The following ZNF574 variants were observed in gnomAD, a reference collection of about 807,000 sequenced individuals.
The protein encoded by ZNF574 is zinc finger protein 574.
Under a neutral mutation model 56.6 loss-of-function variants are expected in ZNF574, and 25 were observed. The ratio of observed to expected loss-of-function variants is 0.44; its 90% confidence interval spans 0.32 to 0.62. The LOEUF (loss-of-function observed/expected upper bound fraction) is 0.62. Among genes scored for constraint, ZNF574 ranks in the 20% least tolerant of loss-of-function variants. The pLI is 0.04. For missense variants in ZNF574, 1,065 were observed against 1,218.9 expected (o/e 0.87, Z 1.88); for synonymous variants, 543 against 492.1 (o/e 1.10, Z -1.37).
chr19:42,073,595 T>C (rs1217421817), upstream of ZNF574, among the ~76,000 whole-genome samples: 2 of 148,926 alleles, frequency 1.3e-5, no homozygotes, highest in East Asian at 4.0e-4. Context: ...TCAAGGTAGA[T>C]GGATCAACTT....
chr19:42,072,662 G>T (rs1599871630), upstream of ZNF574, among the ~76,000 whole-genome samples: 1 of 151,988 alleles, frequency 6.6e-6, no homozygotes, highest in Non-Finnish European at 1.5e-5. Context: ...CGCCTCCGGG[G>T]TTCAAGTGAT....
In ZNF574 at chr19:42,080,509, C is replaced by A; in HGVS notation, c.1903C>A (p.Pro635Thr). Reference protein sequence around the residue: ...HQLVVHAGRQPHRCPSCGAAF... With the variant: ...HQLVVHAGRQTHRCPSCGAAF... ...GCTCGTGGTCCATGCCGGGCGCCAG[C>A]CCCACCGCTGCCCATCCTGTGGGGC... Residue 635 changes from proline to threonine, a missense_variant, in exon 2 of 2, where the codon CCC (proline) becomes ACC (threonine). By Grantham distance (38) the Pro-to-Thr change is conservative (BLOSUM62 -1). Transcript: ENST00000359044. This position sits in a 1 kb window ranked among gnomAD's most constrained non-coding sequence, Gnocchi z 8.5. 6.2e-7 allele frequency: 1 copy of A among 1,613,684 alleles called. No homozygotes were observed. The highest frequency in any genetic ancestry group is 8.5e-7 in the Non-Finnish European group (1 of 1,179,940).
chr19:42,068,689 G>C, exon 1 of ZNF574: 1 of 445,726 alleles, frequency 2.2e-6, no homozygotes, highest in Non-Finnish European at 4.0e-6. Context: ...AGTTCTGACA[G>C]AGAGAGGGAT....
At position 42,080,475 on chromosome 19, in the gene ZNF574, G is replaced by T; in HGVS notation, c.1869G>T (p.Glu623Asp). The T allele has an allele frequency of 6.2e-7, 1 of 1,614,026 alleles. No homozygotes were observed. Among genetic ancestry groups the T allele is most frequent in the Non-Finnish European group, 8.5e-7 (1 of 1,180,022 alleles). Reference sequence around the variant, plus strand: ...CCTTCTTGCTGCGTCGGCTGCTGGAGGTGCACCAGCTCGTGGTCCATGCCG... The same window carrying T: ...CCTTCTTGCTGCGTCGGCTGCTGGATGTGCACCAGCTCGTGGTCCATGCCG... ...PRSFLLRRLL[E>D]VHQLVVHAGR... is the part of the protein sequence containing the mutation. The change falls in exon 2 of 2, where the codon GAG (glutamate) becomes GAT (aspartate). Residue 623 changes from glutamate (E) to aspartate (D), a missense_variant. Physicochemically the swap from Glu to Asp is conservative, Grantham distance 45. Coordinates refer to ENST00000359044, the MANE Select transcript of ZNF574 (RefSeq NM_022752.6). The surrounding 1 kb of genome is among the most constrained non-coding windows in gnomAD (Gnocchi z 8.5).
intron 1 of ZNF574, among the ~76,000 whole-genome samples, chr19:42,078,301 G>C (rs755532064): frequency 6.6e-6 from 1 of 152,068 alleles, no homozygotes; most frequent in Non-Finnish European, 1.5e-5. Context: ...TGGGAGATGA[G>C]GGGACTGGAC....
chr19:42,071,178 G>C (rs1387426269), upstream of ZNF574, among the ~76,000 whole-genome samples: 1 of 151,868 alleles, frequency 6.6e-6, no homozygotes, highest in Non-Finnish European at 1.5e-5. Context: ...GCCAGAAGTG[G>C]GAGACTCCTT....
intron 1 of ZNF574, among the ~76,000 whole-genome samples, chr19:42,077,441 A>T (rs890084931): frequency 6.6e-6 from 1 of 152,124 alleles, no homozygotes; most frequent in Non-Finnish European, 1.5e-5. Flanking sequence ...CTAGCAAATT[A>T]AAAAAGATTA....
At position 42,080,183 on chromosome 19, in the gene ZNF574, C is replaced by T; in HGVS notation, c.1577C>T (p.Pro526Leu). 6.2e-7 allele frequency: 1 copy of T among 1,613,656 alleles called. No homozygotes were observed. The highest frequency in any genetic ancestry group is 8.5e-7 in the Non-Finnish European group (1 of 1,179,886). The stretch of plus-strand genomic sequence containing the variant: ...ACAGGGGAGCGGCCCTTCCCCTGCC[C>T]TGACTGCTCCAAGCCCTTCAACTCA... ...THTGERPFPC[P>L]DCSKPFNSPA... The change falls in exon 2 of 2, where the codon CCT becomes CTT. Residue 526 changes from proline (P) to leucine (L), a missense_variant. Coordinates refer to ENST00000359044, the MANE Select transcript of ZNF574 (RefSeq NM_022752.6). This position sits in a 1 kb window ranked among gnomAD's most constrained non-coding sequence, Gnocchi z 8.5.
chr19:42,074,531 T>C (rs1329143405), upstream of ZNF574: 1 of 152,088 alleles, frequency 6.6e-6, no homozygotes, highest in Non-Finnish European at 1.5e-5. Context: ...CTAGATGTCT[T>C]TTACTCTCTG....
In ZNF574 at chr19:42,081,207, C is replaced by A. The variant is rs933649221; in HGVS notation, c.2601C>A (p.Val867=). 1 of 1,614,150 alleles carries A rather than the reference C, an allele frequency of 6.2e-7. No homozygotes were observed. The change falls in exon 2 of 2, where the codon GTC becomes GTA. Residue 867 remains valine (V), a synonymous_variant. Coordinates refer to ENST00000359044, the MANE Select transcript of ZNF574 (RefSeq NM_022752.6). ...CGGAGGCTGCCGTTGGCCTGGCCGTCATGGAGACTGCTGTGGAGGCGCTAC... is the reference window on the plus strand; with the variant it reads ...CGGAGGCTGCCGTTGGCCTGGCCGTAATGGAGACTGCTGTGGAGGCGCTAC... ...AEAEAAVGLA[V]METAVEALPL...
At position 42,079,719 on chromosome 19, in the gene ZNF574, G is replaced by A. The variant is rs1444543652; in HGVS notation, c.1113G>A (p.Leu371=). The A allele has an allele frequency of 1.9e-6, 3 of 1,614,094 alleles. No individual in the cohort carries two copies. Among genetic ancestry groups the A allele is most frequent in the Middle Eastern group, 1.6e-4 (1 of 6,062 alleles). ...ESHFLCVDCG[L]AFGTEALLLA... ...ACTTCCTGTGTGTAGACTGTGGCCT[G>A]GCCTTCGGCACAGAGGCCCTCCTCC... The change falls in exon 2 of 2, where the codon CTG becomes CTA. Residue 371 remains leucine, a synonymous_variant. Coordinates refer to ENST00000359044, the MANE Select transcript of ZNF574 (RefSeq NM_022752.6). This position sits in a 1 kb window ranked among gnomAD's most constrained non-coding sequence, Gnocchi z 4.3.
chr19:42,079,400 A>C lies in ZNF574; in HGVS notation c.794A>C (p.Gln265Pro). The change falls in exon 2 of 2, where the codon CAG becomes CCG. Residue 265 changes from glutamine to proline, a missense_variant. Transcript: ENST00000359044. The surrounding 1 kb of genome is among the most constrained non-coding windows in gnomAD (Gnocchi z 4.3). ...TCACCTGCAGAGGTGCCTGTGTCTCAGCCTGACCCCTTGCCAGCTTCTGAC... is the reference window on the plus strand; with the variant it reads ...TCACCTGCAGAGGTGCCTGTGTCTCCGCCTGACCCCTTGCCAGCTTCTGAC... ...ASSPAEVPVS[Q>P]PDPLPASDHS... 1 of 1,613,728 alleles carries C rather than the reference A, an allele frequency of 6.2e-7. No homozygotes were observed. The highest frequency in any genetic ancestry group is 2.2e-5 in the East Asian group (1 of 44,882).
chr19:42,076,675 G>A (rs2146210714), intron 1 of ZNF574, among the ~76,000 whole-genome samples: 1 of 152,342 alleles, frequency 6.6e-6, no homozygotes, highest in South Asian at 2.1e-4. Context: ...CGGCACGTGG[G>A]TGCCCAGTTA....
At chr19:42,076,797 A>G (rs2076459271) in intron 1 of ZNF574, among the ~76,000 whole-genome samples, 1 of 151,988 alleles carries the variant, frequency 6.6e-6, no homozygotes, top group Non-Finnish European at 1.5e-5. Flanking sequence ...ACATTAGGAA[A>G]TCGATATCCC....
chr19:42,079,975 TCAG>T lies in ZNF574; in HGVS notation c.1373_1375del (p.Ala458del), dbSNP rs1019550240. On this transcript the variant is annotated inframe_deletion, in exon 2 of 2. Coordinates refer to ENST00000359044, the MANE Select transcript of ZNF574 (RefSeq NM_022752.6). This position sits in a 1 kb window ranked among gnomAD's most constrained non-coding sequence, Gnocchi z 4.3. ...TGAGCCCCCTGTGTCTGAGGAGACC[TCAG>T]CAGGGCCCGCTGCCCCAGGCACCTA... 3.1e-6 allele frequency: 5 copies of T among 1,613,672 alleles called. No individual in the cohort carries two copies. In the Admixed American group the frequency reaches 8.3e-5, roughly 27 times the overall value.
At position 42,080,767 on chromosome 19, in the gene ZNF574, C is replaced by G; in HGVS notation, c.2161C>G (p.Leu721Val). 1.9e-6 allele frequency: 3 copies of G among 1,613,994 alleles called. No individual in the cohort carries two copies. The highest frequency in any genetic ancestry group is 2.5e-6 in the Non-Finnish European group (3 of 1,180,030). The change falls in exon 2 of 2, where the codon CTT becomes GTT. Residue 721 changes from leucine (L) to valine (V), a missense_variant. Leu to Val is a conservative substitution (Grantham distance 32). Coordinates refer to ENST00000359044, the MANE Select transcript of ZNF574 (RefSeq NM_022752.6). The surrounding 1 kb of genome is among the most constrained non-coding windows in gnomAD (Gnocchi z 8.5). Reference protein sequence around the residue: ...TRAPVASPAALGSTATASPAA... With the variant: ...TRAPVASPAAVGSTATASPAA... ...TGCACCAGTTGCCTCTCCAGCAGCC[C>G]TTGGAAGCACTGCTACAGCATCCCC...
At chr19:42,076,346 C>T (rs1347486634) in intron 1 of ZNF574, 60 bp downstream of exon 1, 1 of 152,006 alleles carries the variant, frequency 6.6e-6, no homozygotes, top group African/African-American at 2.4e-5. Flanking sequence ...CCGCGGCCTC[C>T]TCTTGCCAGG....
At position 42,079,336 on chromosome 19, in the gene ZNF574, T is replaced by A. The variant is rs2076478542; in HGVS notation, c.730T>A (p.Ser244Thr). The change falls in exon 2 of 2, where the codon TCT (serine) becomes ACT (threonine). Residue 244 changes from serine to threonine, a missense_variant. Transcript: ENST00000359044. The surrounding 1 kb of genome is among the most constrained non-coding windows in gnomAD (Gnocchi z 4.3). ...TCACTTCCCTGCTCCTGTACCCGAG[T>A]CTCAGGAGCCTGCCTTACAGCAGGA... ...ATHFPAPVPE[S>T]QEPALQQEVQ... The A allele has an allele frequency of 6.2e-7, 1 of 1,613,194 alleles. No individual in the cohort carries two copies. Among genetic ancestry groups the A allele is most frequent in the Non-Finnish European group, 8.5e-7 (1 of 1,179,578 alleles).
At position 42,078,960 on chromosome 19, in the gene ZNF574, C is replaced by G. The variant is rs1345093742; in HGVS notation, c.354C>G (p.Pro118=). The change falls in exon 2 of 2, where the codon CCC becomes CCG. Residue 118 remains proline, a synonymous_variant. Transcript: ENST00000359044. ...VPAEPSPKAP[P]LSSSTIHYEC... is the part of the protein sequence containing the mutation. ...CTGAGCCATCACCTAAGGCACCACC[C>G]CTGAGCTCCAGCACCATCCACTACG... 2 of 1,614,102 alleles carry G rather than the reference C, an allele frequency of 1.2e-6. No homozygotes were observed. Among genetic ancestry groups the G allele is most frequent in the East Asian group, 2.2e-5 (1 of 44,882 alleles).
Sources: gnomAD v4.1 joint callset for allele counts (sites outside exome capture counted in the v4.1 genomes callset) on GRCh38, gnomAD v4.1.1 for gene constraint, Gnocchi (gnomAD v3.1) non-coding constraint, MANE v1.5 for transcripts, NCBI Gene and HGNC (gene_info 2026-07-23, HGNC 2026-07-21) for gene names.